Variants in RARB observed in about 807,000 individuals in gnomAD.
The protein encoded by RARB is retinoic acid receptor beta.
RARB carries 17 observed loss-of-function variants against 51.9 expected under a neutral mutation model. The observed-to-expected ratio is 0.33, with a 90% confidence interval of 0.22 to 0.49. The LOEUF is 0.49. Ranked by LOEUF, RARB falls within the 20% of genes least tolerant of loss-of-function variation. RARB has a pLI of 0.99. For missense variants in RARB, 369 were observed against 550.8 expected, an observed-to-expected ratio of 0.67 and a Z score of 3.30; for synonymous variants, 215 against 195.4, an observed-to-expected ratio of 1.10 and a Z score of -0.84.
rs1212405380 is a variant in RARB at position 25,143,857 on chromosome 3, T to C, written c.-280+11649T>C. On this transcript the variant is annotated intron_variant, in intron 4 of 11. Coordinates refer to the RARB transcript ENST00000383772. ...CTGTTGAGAGGATTAAATGAAGTGA[T>C]GTGTGAAAAGTGCCTGGCATCAAGC... is the stretch of plus-strand genomic sequence containing the variant. Among the ~76,000 whole-genome samples the C allele has an allele frequency of 2.0e-5, 3 of 152,162 alleles. No individual in the cohort carries two copies. The East Asian group carries it at 5.8e-4, about 29-fold the overall frequency.
chr3:25,490,542 G>C (rs2125591694), intron 2 of RARB, among the ~76,000 whole-genome samples: 1 of 152,134 alleles, frequency 6.6e-6, no homozygotes, highest in East Asian at 1.9e-4. Context: ...ATATGAGCAT[G>C]TTTTGGCTCT....
chr3:25,273,296 A>C (rs1454363040), intron 5 of RARB, among the ~76,000 whole-genome samples: 1 of 152,178 alleles, frequency 6.6e-6, no homozygotes, highest in Non-Finnish European at 1.5e-5. Flanking sequence ...TTTCTTTTAC[A>C]TCTCAAGTCT....
intron 5 of RARB, among the ~76,000 whole-genome samples, chr3:25,198,595 G>A (rs1364785113): frequency 6.6e-6 from 1 of 151,900 alleles, no homozygotes; most frequent in African/African-American, 2.4e-5. Flanking sequence ...CTATAAATAG[G>A]AGAAACTCTA....
chr3:24,981,341 C>T (rs946709529), intron 2 of RARB, among the ~76,000 whole-genome samples: 1 of 152,178 alleles, frequency 6.6e-6, no homozygotes, highest in Non-Finnish European at 1.5e-5. Flanking sequence ...TAGAAGCTGT[C>T]TGCTGCCTTT....
chr3:25,416,837 C>T (rs1214916962), intron 5 of RARB, among the ~76,000 whole-genome samples: 3 of 152,162 alleles, frequency 2.0e-5, no homozygotes, highest in African/African-American at 7.2e-5. Context: ...CTATGGGGCA[C>T]TCAGCAATGT....
At chr3:25,338,691 G>A (rs1180805079) in intron 5 of RARB, among the ~76,000 whole-genome samples, 1 of 152,180 alleles carries the variant, frequency 6.6e-6, no homozygotes, top group African/African-American at 2.4e-5. Context: ...TTCTTCATAA[G>A]AGTTTAAGTC....
intron 3 of RARB, among the ~76,000 whole-genome samples, chr3:25,121,056 G>A (rs1699776442): frequency 6.6e-6 from 1 of 152,150 alleles, no homozygotes; most frequent in African/African-American, 2.4e-5. Flanking sequence ...TGTAACAGAA[G>A]TATGGATGCT....
At chr3:25,501,430 A>G (rs1199230568) in intron 3 of RARB, 107 bp downstream of exon 3, 2 of 1,401,296 alleles carry the variant, frequency 1.4e-6, no homozygotes, top group South Asian at 2.7e-5. Context: ...AAATCTTGCC[A>G]AGGGTAGGTG....
At chr3:25,295,250 C>T (rs1311326355) in intron 5 of RARB, among the ~76,000 whole-genome samples, 1 of 152,126 alleles carries the variant, frequency 6.6e-6, no homozygotes, top group Non-Finnish European at 1.5e-5. Flanking sequence ...ATGTTGAAAT[C>T]CAGTCCCCAA....
intron 5 of RARB, among the ~76,000 whole-genome samples, chr3:25,210,804 G>A (rs1420642007): frequency 4.0e-5 from 6 of 151,796 alleles, no homozygotes; most frequent in African/African-American, 1.2e-4. Flanking sequence ...CAAAGTGCTG[G>A]GATTACAGGC....
chr3:24,958,167 CA>C (rs1355934166), intron 2 of RARB, among the ~76,000 whole-genome samples: 1 of 144,162 alleles, frequency 6.9e-6, no homozygotes, highest in South Asian at 2.3e-4. Context: ...TTTGAACTCT[CA>C]AAGGATAACA....
intron 5 of RARB, among the ~76,000 whole-genome samples, chr3:25,182,845 C>A (rs1267999755): frequency 6.6e-6 from 1 of 152,086 alleles, no homozygotes; most frequent in African/African-American, 2.4e-5. Flanking sequence ...AGGGTGAGCC[C>A]TAATCCAGTA....
At chr3:25,442,028 A>C (rs1387148298) in intron 1 of RARB, among the ~76,000 whole-genome samples, 1 of 152,234 alleles carries the variant, frequency 6.6e-6, no homozygotes, top group Non-Finnish European at 1.5e-5. Flanking sequence ...TACATTGTCT[A>C]ATATCATAGT....
intron 2 of RARB, among the ~76,000 whole-genome samples, chr3:25,043,849 A>G (rs1698160884): frequency 6.6e-6 from 1 of 152,232 alleles, no homozygotes; most frequent in Non-Finnish European, 1.5e-5. Context: ...CAATCATTTC[A>G]TGAATATTGG....
At chr3:25,219,198 C>T (rs1262583047) in intron 5 of RARB, among the ~76,000 whole-genome samples, 1 of 151,806 alleles carries the variant, frequency 6.6e-6, no homozygotes, top group Non-Finnish European at 1.5e-5. Flanking sequence ...TCTGAAGTTT[C>T]CTATTAAAGT....
At chr3:25,432,454 G>T (rs1483856) in intron 1 of RARB, among the ~76,000 whole-genome samples, 136,455 of 152,232 alleles carry the variant, frequency 0.9, 61,200 homozygotes, top group East Asian at 0.99. Context: ...TTGCATTGAA[G>T]CAGGTCTTTT....
intron 1 of RARB, among the ~76,000 whole-genome samples, chr3:24,846,349 C>T (rs1178598670): frequency 6.6e-6 from 1 of 152,112 alleles, no homozygotes; most frequent in Non-Finnish European, 1.5e-5. Context: ...ACATGTGCTT[C>T]ATAAATATTA....
chr3:25,090,638 A>G (rs1457984644), intron 3 of RARB, among the ~76,000 whole-genome samples: 2 of 152,124 alleles, frequency 1.3e-5, no homozygotes, highest in Non-Finnish European at 2.9e-5. Flanking sequence ...ACAGCCCTTA[A>G]TATAGACAAT....
chr3:25,275,026 A>G (rs1703348184), intron 5 of RARB, among the ~76,000 whole-genome samples: 1 of 152,118 alleles, frequency 6.6e-6, no homozygotes, highest in Admixed American at 6.6e-5. Flanking sequence ...AAGCTCAAAA[A>G]TACTGTTTTT....
Sources: gnomAD v4.1 joint callset for allele counts (sites outside exome capture counted in the v4.1 genomes callset) on GRCh38, gnomAD v4.1.1 for gene constraint, MANE v1.5 for transcripts, NCBI Gene and HGNC (gene_info 2026-07-23, HGNC 2026-07-21) for gene names.